STT3A: variants seen among roughly 807,000 people sequenced by gnomAD.
The protein encoded by STT3A is dolichyl-diphosphooligosaccharide--protein glycosyltransferase subunit STT3A.
A neutral mutation model predicts 89.2 loss-of-function variants in STT3A; 34 were observed. The observed-to-expected ratio is 0.38, with a 90% CI of 0.29 to 0.51. STT3A has a LOEUF of 0.51. Ranked by LOEUF, STT3A falls within the 20% of genes least tolerant of loss-of-function variation. STT3A has a pLI of 0.89. For missense variants in STT3A, 555 were observed against 889.5 expected, an observed-to-expected ratio of 0.62 and a Z score of 4.78; for synonymous variants, 282 against 310.3, an observed-to-expected ratio of 0.91 and a Z score of 0.96.
Position 125,602,951 on chromosome 11 carries a change from G to A in STT3A, c.417+3G>A. 1 of 1,613,964 alleles carries A rather than the reference G, an allele frequency of 6.2e-7. No individual in the cohort carries two copies. The highest frequency in any genetic ancestry group is 1.3e-5 in the African/African-American group (1 of 75,004). On this transcript the variant is annotated splice_donor_region_variant and intron_variant, in intron 5 of 17. Transcript: ENST00000392708. ...ACCACCTTACCAAAGAGCTCAAGGT[G>A]AAGGATTTGGGGTGACAGGAGGCTT...
chr11:125,594,307 C>T (rs1591368253), intron 1 of STT3A, among the ~76,000 whole-genome samples: 1 of 152,084 alleles, frequency 6.6e-6, no homozygotes, highest in Non-Finnish European at 1.5e-5. Flanking sequence ...TAGGTCTGGG[C>T]GTGGTAGCTC....
At chr11:125,611,149 C>T in intron 10 of STT3A, 2 of 239,294 alleles carry the variant, frequency 8.4e-6, no homozygotes, top group Non-Finnish European at 8.2e-6. Context: ...TACATAATCT[C>T]ATGCAGCAAT....
chr11:125,604,194 C>G lies in STT3A; in HGVS notation c.455C>G (p.Ala152Gly). 1 of 1,614,012 alleles carries G rather than the reference C, an allele frequency of 6.2e-7. No homozygotes were observed. The highest frequency in any genetic ancestry group is 8.5e-7 in the Non-Finnish European group (1 of 1,179,948). Reference sequence around the variant, plus strand: ...GGGCTTCTTGCTGCTGCCATGATTGCTGTAGTTCCTGGATATATCTCCCGA... The same window carrying G: ...GGGCTTCTTGCTGCTGCCATGATTGGTGTAGTTCCTGGATATATCTCCCGA... The part of the protein sequence containing the change: ...GAGLLAAAMI[A>G]VVPGYISRSV... The change falls in exon 6 of 18, where the codon GCT (alanine) becomes GGT (glycine). Residue 152 changes from alanine (A) to glycine (G), a missense_variant. Around this residue, in one of 5 missense-constraint regions of STT3A, gnomAD observed 129 missense variants for 193.2 expected, o/e 0.67. Coordinates refer to ENST00000392708, the MANE Select transcript of STT3A (RefSeq NM_152713.5).
upstream of STT3A, chr11:125,592,487 A>T (rs929136110): frequency 4.4e-6 from 2 of 455,778 alleles, no homozygotes; most frequent in Non-Finnish European, 8.8e-6. Flanking sequence ...GGCCTATTTC[A>T]GCGTAGTTTC....
At position 125,622,919 on chromosome 11, in the gene STT3A, A is replaced by C. The variant is rs1316124411; in HGVS notation, c.*2109A>C. ...TGGGAAAACTCTGTCTCTACTAAAA[A>C]TACAAAAATTAGCTGGGTGTGGGGT... On this transcript the variant is annotated 3_prime_UTR_variant, in exon 18 of 18. Transcript: ENST00000392708. 1 of 152,178 alleles carries C rather than the reference A, an allele frequency of 6.6e-6. No individual in the cohort carries two copies. The highest frequency in any genetic ancestry group is 2.4e-5 in the African/African-American group (1 of 41,422). The allele number at this position is 152,178 out of a possible 1,614,324, so 9.4% of individuals were successfully genotyped here.
At chr11:125,619,986 T>C in intron 16 of STT3A, 25 bp from the exon 17 acceptor site, 10 of 1,578,596 alleles carry the variant, frequency 6.3e-6, no homozygotes, top group Non-Finnish European at 8.7e-6. Flanking sequence ...TAGAAAGAAG[T>C]GTGTTCTTTT....
chr11:125,597,184 A>G, intron 3 of STT3A, 65 bp downstream of exon 3: 1 of 1,557,952 alleles, frequency 6.4e-7, no homozygotes. Context: ...TGGGTTTCAG[A>G]TTCAAATTTC....
chr11:125,598,945 TCTCAGACC>T (rs1939585121), intron 3 of STT3A, among the ~76,000 whole-genome samples: 1 of 152,202 alleles, frequency 6.6e-6, no homozygotes, highest in Non-Finnish European at 1.5e-5. Context: ...TAGGCTTCTT[TCTCAGACC>T]CTCTGAATGA....
At chr11:125,609,826 T>C (rs1029959036) in intron 10 of STT3A, 2 of 453,908 alleles carry the variant, frequency 4.4e-6, no homozygotes, top group Admixed American at 8.0e-5. Flanking sequence ...ATTTGTGTTA[T>C]AAGTTAAAAT....
rs183685973 is a variant in STT3A, at chr11:125,604,080, G to C, written c.418-77G>C. 431 of 1,464,208 alleles carry C rather than the reference G, an allele frequency of 2.9e-4. 1 individual carries two copies. Among genetic ancestry groups the C allele is most frequent in the Admixed American group, 1.5e-3 (83 of 55,432 alleles). 90.7% of individuals were successfully genotyped at this position (1,464,208 alleles called of 1,614,324 possible). A position where few individuals can be genotyped will look rare whatever the true frequency, so the allele number is the denominator to read the frequency against. Reference sequence around the variant, plus strand: ...CTGTTTTCTGGGCTCATTATAAACAGAATGGACTAGTGGATCCTCTGTTCT... The same window carrying C: ...CTGTTTTCTGGGCTCATTATAAACACAATGGACTAGTGGATCCTCTGTTCT... On this transcript the variant is annotated intron_variant, in intron 5 of 17. Coordinates refer to ENST00000392708, the MANE Select transcript of STT3A (RefSeq NM_152713.5).
At position 125,604,146 on chromosome 11, in the gene STT3A, T is replaced by A; in HGVS notation, c.418-11T>A. 6.2e-7 allele frequency: 1 copy of A among 1,613,850 alleles called. No individual in the cohort carries two copies. The highest frequency in any genetic ancestry group is 8.5e-7 in the Non-Finnish European group (1 of 1,179,782). ...TGGTGTTAATGTCTTATTACCCTTT[T>A]TTTCTTACAGGATGCAGGGGCTGGG... On this transcript the variant is annotated splice_polypyrimidine_tract_variant and intron_variant, in intron 5 of 17. Transcript: ENST00000392708.
chr11:125,594,470 C>A, intron 1 of STT3A, among the ~76,000 whole-genome samples: 1 of 151,250 alleles, frequency 6.6e-6, no homozygotes, highest in Admixed American at 6.6e-5. Flanking sequence ...GTCCCAGCTT[C>A]TCATGAGGCT....
chr11:125,609,689 T>G (rs1383565144), intron 10 of STT3A, 100 bp downstream of exon 10: 2 of 1,476,956 alleles, frequency 1.4e-6, no homozygotes, highest in Non-Finnish European at 1.8e-6. Context: ...TTTCTTTGCC[T>G]GTTTATGTTG....
chr11:125,600,077 T>A (rs1939626207), intron 3 of STT3A, among the ~76,000 whole-genome samples: 1 of 146,560 alleles, frequency 6.8e-6, no homozygotes, highest in African/African-American at 2.5e-5. Context: ...TGAGATGGAG[T>A]TTTGCTCTTG....
intron 6 of STT3A, 55 bp from the exon 7 acceptor site, chr11:125,605,574 T>C (rs1939808716): frequency 7.5e-7 from 1 of 1,334,548 alleles, no homozygotes; most frequent in Non-Finnish European, 1.1e-6. Context: ...ACAGTATTCT[T>C]AATGACTATA....
chr11:125,610,549 G>A (rs1023136695), intron 10 of STT3A, among the ~76,000 whole-genome samples: 2 of 125,226 alleles, frequency 1.6e-5, no homozygotes, highest in African/African-American at 3.3e-5. Flanking sequence ...TGGGACCCAC[G>A]TCTTAAAAAA....
At chr11:125,603,583 C>T (rs1344785350) in intron 5 of STT3A, 1 of 153,132 alleles carries the variant, frequency 6.5e-6, no homozygotes, top group Non-Finnish European at 1.5e-5. Context: ...CCAAATTTGA[C>T]TCTTTCAACA....
Position 125,612,766 on chromosome 11 carries a change from A to G in STT3A, c.1365+19A>G. The G allele has an allele frequency of 6.2e-7, 1 of 1,611,954 alleles. No individual in the cohort carries two copies. The highest frequency in any genetic ancestry group is 8.5e-7 in the Non-Finnish European group (1 of 1,178,858). On this transcript the variant is annotated intron_variant, in intron 12 of 17. Coordinates refer to ENST00000392708, the MANE Select transcript of STT3A (RefSeq NM_152713.5). ...GAATGAAGTGAGAAGCAATGTTAAG[A>G]GTAGACTTGGGAAACTCTGTGTGTG...
chr11:125,592,657 G>C, upstream of STT3A: 1 of 366,934 alleles, frequency 2.7e-6, no homozygotes, highest in South Asian at 2.0e-5. Flanking sequence ...ATGACAGCTC[G>C]GCGGGAGCAT....
Sources: gnomAD v4.1 joint callset for allele counts (sites outside exome capture counted in the v4.1 genomes callset) on GRCh38, gnomAD v4.1.1 for gene constraint, gnomAD v4.1.1 regional missense constraint, MANE v1.5 for transcripts, NCBI Gene and HGNC (gene_info 2026-07-23, HGNC 2026-07-21) for gene names.